Variants in TAPT1 observed in about 807,000 individuals in gnomAD.
The protein encoded by TAPT1 is transmembrane anterior posterior transformation 1.
TAPT1 carries 28 observed loss-of-function variants against 65.6 expected under a neutral mutation model. That is an observed-to-expected ratio of 0.43 (90% CI 0.32 to 0.59). The LOEUF (loss-of-function observed/expected upper bound fraction) is 0.59. Ranked by LOEUF, TAPT1 falls within the 20% of genes least tolerant of loss-of-function variation. The pLI is 0.09. For missense variants in TAPT1, 563 were observed against 679.9 expected, an observed-to-expected ratio of 0.83 and a Z score of 1.91; for synonymous variants, 278 against 245.2, an observed-to-expected ratio of 1.13 and a Z score of -1.25.
chr4:16,221,204 T>A (rs6810390), intron 1 of TAPT1, among the ~76,000 whole-genome samples: 40,500 of 151,912 alleles, frequency 0.27, 5,916 homozygotes, highest in East Asian at 0.33. Context: ...CACTGCAACC[T>A]CCACCTCCAC....
At position 16,226,363 on chromosome 4, in the gene TAPT1, G is replaced by C; in HGVS notation, c.95C>G (p.Pro32Arg). The change falls in exon 1 of 14, where the codon CCG becomes CGG. Residue 32 changes from proline (P) to arginine (R), a missense_variant. By Grantham distance (103) the Pro-to-Arg change is moderately radical (BLOSUM62 -2). Transcript: ENST00000405303. ...QRDGRGEAEQ[P>R]GGSGGQGPPP... Reference sequence around the variant, plus strand: ...GGGCCCCTGTCCGCCGCTGCCGCCCGGCTGCTCCGCCTCGCCGCGGCCGTC... The same window carrying C: ...GGGCCCCTGTCCGCCGCTGCCGCCCCGCTGCTCCGCCTCGCCGCGGCCGTC... 9.0e-7 allele frequency: 1 copy of C among 1,110,284 alleles called. No individual in the cohort carries two copies. Among genetic ancestry groups the C allele is most frequent in the Non-Finnish European group, 1.1e-6 (1 of 911,302 alleles). The allele number at this position is 1,110,284 out of a possible 1,614,324, so 68.8% of individuals were successfully genotyped here.
chr4:16,165,963 C>G (rs948634967), intron 13 of TAPT1, among the ~76,000 whole-genome samples: 1 of 152,222 alleles, frequency 6.6e-6, no homozygotes. Flanking sequence ...CCGCTCAAAG[C>G]CCCGCAACAG....
intron 6 of TAPT1, 58 bp downstream of exon 6, chr4:16,186,723 G>A: frequency 7.0e-7 from 1 of 1,419,702 alleles, no homozygotes; most frequent in Non-Finnish European, 9.9e-7. Flanking sequence ...CCCACCCAGA[G>A]TATTGCAGCT....
chr4:16,163,386 A>G lies in TAPT1; in HGVS notation c.1626T>C (p.Ser542=), dbSNP rs1459730202. 6.2e-7 allele frequency: 1 copy of G among 1,613,998 alleles called. No individual in the cohort carries two copies. The highest frequency in any genetic ancestry group is 1.3e-5 in the African/African-American group (1 of 75,060). ...TCTTTGAGGATCTGTGTTTTAATTC[A>G]GAATTGTCCTGCGTTATGTCCTTCT... The part of the protein sequence containing the change: ...GDEKDITQDN[S]ELKHRSSKKD... Residue 542 remains serine (S), a synonymous_variant, in exon 14 of 14, where the codon TCT becomes TCC. Transcript: ENST00000405303.
In TAPT1 at chr4:16,210,104, C is replaced by T. The variant is rs190685454; in HGVS notation, c.330+3664G>A. On this transcript the variant is annotated intron_variant, in intron 2 of 13. Transcript: ENST00000405303. ...AATGTCAGGGTGTGTTATCATCTCT[C>T]ATGGCCATTGGTTATGTTCTTCATG... Among the ~76,000 whole-genome samples, 114 of 152,298 alleles carry T rather than the reference C, an allele frequency of 7.5e-4. No individual in the cohort carries two copies. The East Asian group carries it at 0.013, about 18-fold the overall frequency.
At chr4:16,222,648 T>G (rs571955508) in intron 1 of TAPT1, among the ~76,000 whole-genome samples, 3 of 152,224 alleles carry the variant, frequency 2.0e-5, no homozygotes, top group Non-Finnish European at 2.9e-5. Context: ...ATAGGTAATA[T>G]GAATAGTTAA....
Position 16,176,162 on chromosome 4 carries a change from A to T in TAPT1, c.1064T>A (p.Val355Glu). 1 of 1,575,890 alleles carries T rather than the reference A, an allele frequency of 6.3e-7. No homozygotes were observed. The highest frequency in any genetic ancestry group is 8.6e-7 in the Non-Finnish European group (1 of 1,158,960). ...VIASEIAVDI[V>E]KHAFITKFND... ...GAATTTAGTAATAAAGGCATGTTTT[A>T]CAATATCCACGGCAATTTCTGATGC... The change falls in exon 9 of 14, where the codon GTA becomes GAA. Residue 355 changes from valine (V) to glutamate (E), a missense_variant. Coordinates refer to ENST00000405303, the MANE Select transcript of TAPT1 (RefSeq NM_153365.3).
rs57987183 is a variant in TAPT1, at chr4:16,194,575, G to A, written c.450-3052C>T. 4.4e-3 allele frequency among the ~76,000 whole-genome samples: 667 copies of A among 152,030 alleles called. 1 individual carries two copies. The highest frequency in any genetic ancestry group is 0.014 in the African/African-American group (593 of 41,436). On this transcript the variant is annotated intron_variant, in intron 3 of 13. Transcript: ENST00000405303. ...ACACTGGATACTTTATCACTGTACCGCAATCTCATCTCAATAAATTGCTGT... is the reference window on the plus strand; with the variant it reads ...ACACTGGATACTTTATCACTGTACCACAATCTCATCTCAATAAATTGCTGT...
At position 16,166,636 on chromosome 4, in the gene TAPT1, G is replaced by C. The variant is rs1747640323; in HGVS notation, c.1471C>G (p.Gln491Glu). 6.2e-7 allele frequency: 1 copy of C among 1,613,810 alleles called. No individual in the cohort carries two copies. Among genetic ancestry groups the C allele is most frequent in the East Asian group, 2.2e-5 (1 of 44,872 alleles). ...TGAAGAAAGGGACCAAACCTACCTT[G>C]AGAGGGTTTACATTTGTTCTGTGAT... is the stretch of plus-strand genomic sequence containing the variant. ...SKSQNKCKPS[Q>E]GLSTEENLSA... The change falls in exon 13 of 14, where the codon CAA (glutamine) becomes GAA (glutamate). Residue 491 changes from glutamine to glutamate, a missense_variant. Physicochemically the swap from Gln to Glu is conservative, Grantham distance 29. Transcript: ENST00000405303.
intron 7 of TAPT1, chr4:16,183,027 T>C (rs1319820131): frequency 6.6e-6 from 1 of 152,142 alleles, no homozygotes; most frequent in African/African-American, 2.4e-5. Context: ...AAGAAAAAAA[T>C]AGCCGATATG....
intron 3 of TAPT1, among the ~76,000 whole-genome samples, chr4:16,199,448 T>C (rs1247258049): frequency 6.6e-6 from 1 of 152,210 alleles, no homozygotes; most frequent in Admixed American, 6.5e-5. Context: ...AAAGCAATCA[T>C]CTTATGCACT....
In TAPT1 at chr4:16,186,785, T is replaced by C; in HGVS notation, c.842A>G (p.Asn281Ser). Residue 281 changes from asparagine to serine, a missense_variant, in exon 6 of 14, where the codon AAT (asparagine) becomes AGT (serine). Around this residue, in one of 5 missense-constraint regions of TAPT1, gnomAD observed 217 missense variants for 317.5 expected, o/e 0.68. Coordinates refer to ENST00000405303, the MANE Select transcript of TAPT1 (RefSeq NM_153365.3). ...NKSLLTIMMS[N>S]NFVEIKGSVF... Reference sequence around the variant, plus strand: ...TAAGATAAATCTCATACTTACATTATTAGACATCATGATAGTAAGCAAAGA... The same window carrying C: ...TAAGATAAATCTCATACTTACATTACTAGACATCATGATAGTAAGCAAAGA... The C allele has an allele frequency of 1.3e-6, 2 of 1,588,740 alleles. No homozygotes were observed. Among genetic ancestry groups the C allele is most frequent in the East Asian group, 2.2e-5 (1 of 44,638 alleles).
upstream of TAPT1, chr4:16,226,738 C>G (rs1329750371): frequency 6.6e-6 from 1 of 151,006 alleles, no homozygotes; most frequent in Non-Finnish European, 1.5e-5. Flanking sequence ...GGGCACCGCG[C>G]CGGGCTCCAT....
intron 1 of TAPT1, among the ~76,000 whole-genome samples, chr4:16,221,422 A>G (rs1265884037): frequency 6.6e-6 from 1 of 152,182 alleles, no homozygotes; most frequent in South Asian, 2.1e-4. Context: ...CACCGCGCCC[A>G]GCCCCTCCAG....
chr4:16,175,538 T>G (rs1748266248), intron 9 of TAPT1, among the ~76,000 whole-genome samples: 1 of 152,162 alleles, frequency 6.6e-6, no homozygotes, highest in Non-Finnish European at 1.5e-5. Flanking sequence ...ATTTTGGGAC[T>G]GAGACAGGAA....
intron 3 of TAPT1, among the ~76,000 whole-genome samples, chr4:16,195,888 A>T (rs747716791): frequency 2.0e-5 from 3 of 152,246 alleles, no homozygotes; most frequent in Non-Finnish European, 4.4e-5. Flanking sequence ...ACCAAAAATG[A>T]GCGAGAAAAA....
At chr4:16,225,909 C>A in intron 1 of TAPT1, 3 of 987,326 alleles carry the variant, frequency 3.0e-6, no homozygotes, top group Non-Finnish European at 3.6e-6. Context: ...CAGCCGTGTG[C>A]TTCTCACGTT....
intron 2 of TAPT1, among the ~76,000 whole-genome samples, chr4:16,213,017 T>C (rs1032170817): frequency 6.6e-6 from 1 of 152,206 alleles, no homozygotes; most frequent in Non-Finnish European, 1.5e-5. Flanking sequence ...CAACAGAAAG[T>C]ATGATTCTAA....
intron 7 of TAPT1, among the ~76,000 whole-genome samples, chr4:16,180,777 G>A (rs888945184): frequency 6.6e-6 from 1 of 152,140 alleles, no homozygotes. Context: ...GTCAGTTGCT[G>A]GTACCTTCTT....
Sources: allele counts gnomAD v4.1 joint callset (sites outside exome capture counted in the v4.1 genomes callset), GRCh38; gene constraint gnomAD v4.1.1; regional missense constraint gnomAD v4.1.1; transcripts MANE v1.5; gene names NCBI Gene and HGNC (gene_info 2026-07-23, HGNC 2026-07-21).